Variants in AP1M1 observed in about 807,000 individuals in gnomAD.
The protein encoded by AP1M1 is AP-1 complex subunit mu-1.
Under a neutral mutation model 57.1 loss-of-function variants are expected in AP1M1, and 18 were observed. The observed-to-expected ratio is 0.32, with a 90% CI of 0.22 to 0.47. The LOEUF is 0.47. Ranked by LOEUF, AP1M1 falls within the 20% of genes least tolerant of loss-of-function variation. AP1M1 has a pLI of 1.00. For synonymous variants in AP1M1, 241 were observed against 237.9 expected, an observed-to-expected ratio of 1.01 and a Z score of -0.12; for missense variants, 362 against 593.5, an observed-to-expected ratio of 0.61 and a Z score of 4.05.
chr19:16,227,536 C>T lies in AP1M1; in HGVS notation c.674-12C>T, dbSNP rs1248063472. The T allele has an allele frequency of 5.0e-6, 8 of 1,613,296 alleles. No homozygotes were observed. In the Admixed American group the frequency reaches 1.2e-4, roughly 24 times the overall value. Reference sequence around the variant, plus strand: ...GGGCCCAGATCTGTCCTACCCTCACCCCTGACCCCAGGCGGCAAAAGCAAA... The same window carrying T: ...GGGCCCAGATCTGTCCTACCCTCACTCCTGACCCCAGGCGGCAAAAGCAAA... On this transcript the variant is annotated splice_polypyrimidine_tract_variant and intron_variant, in intron 6 of 11. Coordinates refer to ENST00000291439, the MANE Select transcript of AP1M1 (RefSeq NM_032493.4). This position sits in a 1 kb window ranked among gnomAD's most constrained non-coding sequence, Gnocchi z 6.2.
At position 16,209,099 on chromosome 19, in the gene AP1M1, G is replaced by A. The variant is rs747379798; in HGVS notation, c.468G>A (p.Ala156=). 21 of 1,614,192 alleles carry A rather than the reference G, an allele frequency of 1.3e-5. No homozygotes were observed. The highest frequency in any genetic ancestry group is 7.7e-5 in the South Asian group (7 of 91,082). Residue 156 remains alanine (A), a synonymous_variant, in exon 5 of 12, where the codon GCG becomes GCA. Transcript: ENST00000291439. ...GGCCACCAGCCACCGTCACCAACGC[G>A]GTGTCCTGGCGGTCCGAAGGCATCA... ...APRPPATVTN[A]VSWRSEGIKY... is the part of the protein sequence containing the mutation.
At chr19:16,224,356 G>T (rs1440071221) in intron 5 of AP1M1, among the ~76,000 whole-genome samples, 1 of 152,244 alleles carries the variant, frequency 6.6e-6, no homozygotes, top group Admixed American at 6.5e-5. Flanking sequence ...GTGCGCTGCT[G>T]CATGTGGCTC....
rs1382252792 is a variant in AP1M1, at chr19:16,197,920, G to A, written c.-107G>A. On this transcript the variant is annotated 5_prime_UTR_variant, in exon 1 of 12. Coordinates refer to ENST00000291439, the MANE Select transcript of AP1M1 (RefSeq NM_032493.4). The stretch of plus-strand genomic sequence containing the variant: ...CGCGGCTCCCCGAACCGGAAGTGGA[G>A]GTGAGCTGTCGCGGGCGGCGCCCGG... 5.4e-6 allele frequency: 5 copies of A among 928,454 alleles called. No individual in the cohort carries two copies. The East Asian group carries it at 1.3e-4, about 25-fold the overall frequency. 57.5% of individuals were successfully genotyped at this position (928,454 alleles called of 1,614,324 possible).
rs969632886 is a variant in AP1M1, at chr19:16,203,753, G to C, written c.199+138G>C. 1 of 871,928 alleles carries C rather than the reference G, an allele frequency of 1.1e-6. No individual in the cohort carries two copies. Among genetic ancestry groups the C allele is most frequent in the African/African-American group, 1.7e-5 (1 of 58,532 alleles). The allele number at this position is 871,928 out of a possible 1,614,324, so 54.0% of individuals were successfully genotyped here. ...CAGCCATGCCCTCCTGGAGCTCCCT[G>C]CTGCCTGCGGAGACAGGCAGACAAT... On this transcript the variant is annotated intron_variant, in intron 2 of 11. Transcript: ENST00000291439. The surrounding 1 kb of genome is among the most constrained non-coding windows in gnomAD (Gnocchi z 4.6).
Position 16,241,067 on chromosome 19 carries a change from T to G in AP1M1, c.*6632T>G, listed in dbSNP as rs180845942. 27 of 152,026 alleles carry G rather than the reference T, an allele frequency of 1.8e-4. No homozygotes were observed. The highest frequency in any genetic ancestry group is 4.8e-4 in the African/African-American group (20 of 41,516). The allele number at this position is 152,026 out of a possible 1,614,324, so 9.4% of individuals were successfully genotyped here. On this transcript the variant is annotated 3_prime_UTR_variant, in exon 12 of 12. Coordinates refer to ENST00000291439, the MANE Select transcript of AP1M1 (RefSeq NM_032493.4). Reference sequence around the variant, plus strand: ...CGGGCATGGTGGCTCCCGCCTGTAATCCCAGCACTCTGGGAGGCCGAGGCG... The same window carrying G: ...CGGGCATGGTGGCTCCCGCCTGTAAGCCCAGCACTCTGGGAGGCCGAGGCG...
intron 9 of AP1M1, among the ~76,000 whole-genome samples, chr19:16,231,353 T>G (rs986310585): frequency 6.7e-6 from 1 of 149,282 alleles, no homozygotes; most frequent in Non-Finnish European, 1.5e-5. Flanking sequence ...GATAGATAGA[T>G]ATCCTTCCCC....
rs12972298 is a variant in AP1M1 at position 16,245,148 on chromosome 19, G to A, written c.*10713G>A. On this transcript the variant is annotated 3_prime_UTR_variant, in exon 12 of 12. Coordinates refer to ENST00000291439, the MANE Select transcript of AP1M1 (RefSeq NM_032493.4). ...CGACCTCAGGTGATCCGCCCGCCTC[G>A]GCCTCCCAAAGTGCTGGGATTACAG... 82,929 of 151,328 alleles carry A rather than the reference G, an allele frequency of 0.55. 25,662 individuals are homozygous for A. Among genetic ancestry groups the A allele is most frequent in the Non-Finnish European group, 0.71 (48,045 of 67,712 alleles). 9.4% of individuals were successfully genotyped at this position (151,328 alleles called of 1,614,324 possible). A position where few individuals can be genotyped will look rare whatever the true frequency, so the allele number is the denominator to read the frequency against.
rs999036825 is a variant in AP1M1 at position 16,228,789 on chromosome 19, G to A, written c.908G>A (p.Arg303Gln). The A allele has an allele frequency of 3.7e-6, 6 of 1,613,892 alleles. No individual in the cohort carries two copies. The African/African-American group carries it at 4.0e-5, about 11-fold the overall frequency. ...CTGCAGGCCAAAAGCCAGTTCAAGC[G>A]GCGGTCAACAGCCAACAACGTGGAG... Reference protein sequence around the residue: ...YMIKAKSQFKRRSTANNVEIH... With the variant: ...YMIKAKSQFKQRSTANNVEIH... The change falls in exon 9 of 12, where the codon CGG becomes CAG. Residue 303 changes from arginine (R) to glutamine (Q), a missense_variant. Arg to Gln is a conservative substitution (Grantham distance 43). Coordinates refer to ENST00000291439, the MANE Select transcript of AP1M1 (RefSeq NM_032493.4). The surrounding 1 kb of genome is among the most constrained non-coding windows in gnomAD (Gnocchi z 5.0).
chr19:16,201,297 A>C (rs1262716104), intron 1 of AP1M1, among the ~76,000 whole-genome samples: 1 of 151,588 alleles, frequency 6.6e-6, no homozygotes, highest in Admixed American at 6.6e-5. Context: ...ATAGAAATAA[A>C]TGTTTAATGC....
rs1339006777 is a variant in AP1M1 at position 16,207,193 on chromosome 19, C to A, written c.267+785C>A. Among the ~76,000 whole-genome samples, 1 of 152,024 alleles carries A rather than the reference C, an allele frequency of 6.6e-6. No individual in the cohort carries two copies. Among genetic ancestry groups the A allele is most frequent in the East Asian group, 1.9e-4 (1 of 5,168 alleles). On this transcript the variant is annotated intron_variant, in intron 3 of 11. Coordinates refer to ENST00000291439, the MANE Select transcript of AP1M1 (RefSeq NM_032493.4). The surrounding 1 kb of genome is among the most constrained non-coding windows in gnomAD (Gnocchi z 4.2). ...AAAGTGGGGAACAGGACCCAGGAGG[C>A]CTGTGCTGGGCCTGGGAAAGCTTTC...
chr19:16,231,057 G>A lies in AP1M1; in HGVS notation c.1047+2129G>A, dbSNP rs1000880919. 7.9e-5 allele frequency among the ~76,000 whole-genome samples: 12 copies of A among 151,940 alleles called. No individual in the cohort carries two copies. In the South Asian group the frequency reaches 2.1e-3, roughly 26 times the overall value. ...TAATCCCAGCACTTTCGGAGGCTGA[G>A]GCGGGCGGATCACAAGGTCAGGAGA... On this transcript the variant is annotated intron_variant, in intron 9 of 11. Coordinates refer to ENST00000291439, the MANE Select transcript of AP1M1 (RefSeq NM_032493.4).
chr19:16,214,476 C>T (rs1452668490), intron 5 of AP1M1, among the ~76,000 whole-genome samples: 1 of 151,974 alleles, frequency 6.6e-6, no homozygotes, highest in Non-Finnish European at 1.5e-5. Flanking sequence ...CTTAGCCTCC[C>T]GAGTAGCTGG....
intron 5 of AP1M1, among the ~76,000 whole-genome samples, chr19:16,213,212 G>T (rs1282847955): frequency 3.3e-5 from 5 of 152,186 alleles, no homozygotes; most frequent in Non-Finnish European, 7.4e-5. Flanking sequence ...CACTGTTATT[G>T]TGTGGGAGTC....
Position 16,206,424 on chromosome 19 carries a change from AG to A in AP1M1, c.267+20del. The A allele has an allele frequency of 2.5e-6, 4 of 1,613,488 alleles. No homozygotes were observed. Among genetic ancestry groups the A allele is most frequent in the Non-Finnish European group, 3.4e-6 (4 of 1,179,774 alleles). On this transcript the variant is annotated intron_variant, in intron 3 of 11. Coordinates refer to ENST00000291439, the MANE Select transcript of AP1M1 (RefSeq NM_032493.4). This position sits in a 1 kb window ranked among gnomAD's most constrained non-coding sequence, Gnocchi z 4.3. ...GGTGGTGCAGGTGAGTCTCGCTCGG[AG>A]GGGCCGTGGGCTTGGGTGGAGGTTG...
At chr19:16,199,247 A>C (rs1416779295) in intron 1 of AP1M1, among the ~76,000 whole-genome samples, 1 of 152,174 alleles carries the variant, frequency 6.6e-6, no homozygotes, top group Non-Finnish European at 1.5e-5. Context: ...CCCGAGGATG[A>C]GAGAGGGTTT....
Position 16,227,800 on chromosome 19 carries a change from A to G in AP1M1, c.816+110A>G. On this transcript the variant is annotated intron_variant, in intron 7 of 11. Coordinates refer to ENST00000291439, the MANE Select transcript of AP1M1 (RefSeq NM_032493.4). This position sits in a 1 kb window ranked among gnomAD's most constrained non-coding sequence, Gnocchi z 6.2. ...GGCCAGCCCCACCCCACGCTCCATGAGCTGCCTGGCTCTGCAGAGATGGAG... is the reference window on the plus strand; with the variant it reads ...GGCCAGCCCCACCCCACGCTCCATGGGCTGCCTGGCTCTGCAGAGATGGAG... 2 of 1,368,704 alleles carry G rather than the reference A, an allele frequency of 1.5e-6. No individual in the cohort carries two copies. Among genetic ancestry groups the G allele is most frequent in the Non-Finnish European group, 2.0e-6 (2 of 990,742 alleles). The allele number at this position is 1,368,704 out of a possible 1,614,324, so 84.8% of individuals were successfully genotyped here.
chr19:16,198,642 G>A (rs1303090869), intron 1 of AP1M1, among the ~76,000 whole-genome samples: 1 of 152,158 alleles, frequency 6.6e-6, no homozygotes, highest in Non-Finnish European at 1.5e-5. Context: ...GGCATGGAGA[G>A]GTGAAGCAAC....
chr19:16,231,157 G>A (rs189686430), intron 9 of AP1M1, among the ~76,000 whole-genome samples: 2,267 of 151,718 alleles, frequency 0.015, 55 homozygotes, highest in African/African-American at 0.05. Context: ...GTGTGGTGGT[G>A]GGTGCCTGTA....
Position 16,203,436 on chromosome 19 carries a change from TTTCTC to T in AP1M1, c.43-19_43-15del, listed in dbSNP as rs1345199973. ...TGTAGAACTGAAAATGCAAGCATCT[TTTCTC>T]TTCCTTCCCCACCCCAGGTGCTCAT... On this transcript the variant is annotated intron_variant, in intron 1 of 11. Transcript: ENST00000291439. The surrounding 1 kb of genome is among the most constrained non-coding windows in gnomAD (Gnocchi z 4.6). 10 of 1,613,912 alleles carry T rather than the reference TTTCTC, an allele frequency of 6.2e-6. No individual in the cohort carries two copies. The highest frequency in any genetic ancestry group is 3.3e-5 in the Admixed American group (2 of 59,990).
Sources: gnomAD v4.1 joint callset for allele counts (sites outside exome capture counted in the v4.1 genomes callset) on GRCh38, gnomAD v4.1.1 for gene constraint, Gnocchi (gnomAD v3.1) non-coding constraint, MANE v1.5 for transcripts, NCBI Gene and HGNC (gene_info 2026-07-23, HGNC 2026-07-21) for gene names.